PDE4A: variants seen among roughly 807,000 people sequenced by gnomAD.
PDE4A encodes 3',5'-cyclic-AMP phosphodiesterase 4A.
PDE4A carries 21 observed loss-of-function variants against 73.9 expected under a neutral mutation model. That is an observed-to-expected ratio of 0.28 (90% CI 0.20 to 0.41). The LOEUF (loss-of-function observed/expected upper bound fraction) is 0.41, where lower values mean the gene tolerates loss of function less well. Among genes scored for constraint, PDE4A ranks in the 10% least tolerant of loss-of-function variants. The pLI is 1.00. For synonymous variants in PDE4A, 463 were observed against 505.4 expected, an observed-to-expected ratio of 0.92 and a Z score of 1.13; for missense variants, 958 against 1,211.4, an observed-to-expected ratio of 0.79 and a Z score of 3.10.
In PDE4A at chr19:10,447,664, C is replaced by T. The variant is rs149011198; in HGVS notation, c.513-1253C>T. On this transcript the variant is annotated intron_variant, in intron 2 of 14. Coordinates refer to ENST00000380702, the MANE Select transcript of PDE4A (RefSeq NM_001111307.2). ...GATTGCAGGCATGAGCCACCCTGCC[C>T]GCCCTCAGTTACTTTATAGCATGTC... Among the ~76,000 whole-genome samples, 266 of 152,158 alleles carry T rather than the reference C, an allele frequency of 1.7e-3. 2 individuals carry two copies. In the East Asian group the frequency reaches 0.021, roughly 12 times the overall value.
At chr19:10,428,873 G>A (rs772150322) in intron 1 of PDE4A, 21 of 985,274 alleles carry the variant, frequency 2.1e-5, no homozygotes, top group African/African-American at 1.6e-4. Context: ...TGGCTCACAC[G>A]GGTGGATCAC....
Position 10,467,003 on chromosome 19 carries a change from C to T in PDE4A, c.2043C>T (p.Ser681=), listed in dbSNP as rs112929694. ...TLEDNRDWYY[S]AIRQSPSPPP... is the part of the protein sequence containing the mutation. ...AGGACAACCGGGACTGGTACTACAG[C>T]GCCATCCGGCAGAGCCCATCTCCGC... Residue 681 remains serine (S), a synonymous_variant, in exon 15 of 15, where the codon AGC becomes AGT. Transcript: ENST00000380702. 33 of 1,614,068 alleles carry T rather than the reference C, an allele frequency of 2.0e-5. No individual in the cohort carries two copies. The highest frequency in any genetic ancestry group is 2.5e-5 in the Non-Finnish European group (30 of 1,180,048).
At chr19:10,448,575 G>T (rs906796315) in intron 2 of PDE4A, among the ~76,000 whole-genome samples, 5 of 151,402 alleles carry the variant, frequency 3.3e-5, no homozygotes, top group Admixed American at 2.6e-4. Flanking sequence ...GGCGGAGGTT[G>T]CAGTGAGCTG....
intron 14 of PDE4A, 165 bp downstream of exon 14, chr19:10,464,140 C>A: frequency 1.2e-6 from 1 of 865,208 alleles, no homozygotes; most frequent in Non-Finnish European, 1.8e-6. Context: ...TTCTATTGCC[C>A]AGGCTGGAGT....
At chr19:10,456,037 C>T (rs547717352) in intron 7 of PDE4A, among the ~76,000 whole-genome samples, 1 of 151,158 alleles carries the variant, frequency 6.6e-6, no homozygotes, top group Non-Finnish European at 1.5e-5. Flanking sequence ...TGACCCCCCC[C>T]CAATTCAGTA....
At chr19:10,430,482 TGA>T (rs1297577097) in intron 1 of PDE4A, among the ~76,000 whole-genome samples, 1 of 151,186 alleles carries the variant, frequency 6.6e-6, no homozygotes, top group Non-Finnish European at 1.5e-5. Flanking sequence ...CTTGGGATTC[TGA>T]GAGACTGTGG....
intron 6 of PDE4A, among the ~76,000 whole-genome samples, chr19:10,452,612 G>C (rs1040390322): frequency 1.3e-5 from 2 of 150,844 alleles, no homozygotes; most frequent in East Asian, 3.9e-4. Context: ...GACTGTCTCC[G>C]GGTGTGTGTG....
rs2043411924 is a variant in PDE4A at position 10,468,078 on chromosome 19, C to T, written c.*457C>T. ...TGGGCCCAAGCAGGTGTGGGGCCTC[C>T]TTCTGGGCTTTTCTTCTGAATTTAG... On this transcript the variant is annotated 3_prime_UTR_variant, in exon 15 of 15. Coordinates refer to ENST00000380702, the MANE Select transcript of PDE4A (RefSeq NM_001111307.2). 6.5e-6 allele frequency: 1 copy of T among 153,528 alleles called. No homozygotes were observed. Among genetic ancestry groups the T allele is most frequent in the Admixed American group, 6.6e-5 (1 of 15,250 alleles). The allele number at this position is 153,528 out of a possible 1,614,324, so 9.5% of individuals were successfully genotyped here.
chr19:10,432,579 G>A lies in PDE4A; in HGVS notation c.320+11495G>A, dbSNP rs963290424. 13 of 1,517,078 alleles carry A rather than the reference G, an allele frequency of 8.6e-6. No homozygotes were observed. In the East Asian group the frequency reaches 2.5e-4, roughly 29 times the overall value. 94.0% of individuals were successfully genotyped at this position (1,517,078 alleles called of 1,614,324 possible). A position where few individuals can be genotyped will look rare whatever the true frequency, so the allele number is the denominator to read the frequency against. On this transcript the variant is annotated intron_variant, in intron 1 of 14. Transcript: ENST00000380702. ...TCCGGGCAGATCTGTCAGGTGGGTGGCCCGTGGCCAGTCAGTCCTCTCTTT... is the reference window on the plus strand; with the variant it reads ...TCCGGGCAGATCTGTCAGGTGGGTGACCCGTGGCCAGTCAGTCCTCTCTTT...
intron 1 of PDE4A, among the ~76,000 whole-genome samples, chr19:10,431,634 T>G (rs982424488): frequency 8.5e-5 from 13 of 152,126 alleles, no homozygotes; most frequent in Non-Finnish European, 1.8e-4. Flanking sequence ...CAGCCCGGAG[T>G]TGGGCACTGG....
rs530591689 is a variant in PDE4A, at chr19:10,437,120, C to T, written c.321-9098C>T. Among the ~76,000 whole-genome samples, 4 of 152,234 alleles carry T rather than the reference C, an allele frequency of 2.6e-5. No homozygotes were observed. The South Asian group carries it at 8.3e-4, about 32-fold the overall frequency. On this transcript the variant is annotated intron_variant, in intron 1 of 14. Coordinates refer to ENST00000380702, the MANE Select transcript of PDE4A (RefSeq NM_001111307.2). ...TCTATGATTATCTCACCTTAAGAAC[C>T]TTAAGAGTGGCTTTTTTTGTTTGTT...
intron 1 of PDE4A, among the ~76,000 whole-genome samples, chr19:10,437,365 G>T (rs1027927887): frequency 6.6e-6 from 1 of 151,828 alleles, no homozygotes; most frequent in Non-Finnish European, 1.5e-5. Context: ...CTCATGATCT[G>T]CCCGCCTTGG....
intron 2 of PDE4A, 102 bp from the exon 3 acceptor site, chr19:10,448,815 C>T: frequency 1.3e-6 from 2 of 1,574,116 alleles, no homozygotes; most frequent in Non-Finnish European, 1.7e-6. Context: ...CACAGAGTCC[C>T]CTCCCTCCCT....
chr19:10,461,786 C>A, intron 12 of PDE4A, 91 bp from the exon 13 acceptor site: 1 of 1,578,786 alleles, frequency 6.3e-7, no homozygotes, highest in Non-Finnish European at 8.6e-7. Flanking sequence ...CTGGACAGAG[C>A]GGGCGGCTTC....
At chr19:10,440,843 C>T (rs566381526) in intron 1 of PDE4A, among the ~76,000 whole-genome samples, 9 of 151,698 alleles carry the variant, frequency 5.9e-5, no homozygotes, top group African/African-American at 1.9e-4. Flanking sequence ...CGTGATCCAC[C>T]CACCTCGGCC....
intron 14 of PDE4A, among the ~76,000 whole-genome samples, chr19:10,466,236 G>C (rs1244536090): frequency 2.0e-5 from 3 of 150,066 alleles, no homozygotes; most frequent in South Asian, 2.1e-4. Flanking sequence ...CACAAGATCA[G>C]GAGATCTAGA....
At chr19:10,443,544 C>CAAAAA (rs58920826) in intron 1 of PDE4A, among the ~76,000 whole-genome samples, 1 of 120,970 alleles carries the variant, frequency 8.3e-6, no homozygotes. Flanking sequence ...GACCCTGTCT[C>CAAAAA]AAAAAAAAAA....
chr19:10,450,398 C>A, intron 4 of PDE4A: 1 of 714,224 alleles, frequency 1.4e-6, no homozygotes, highest in Non-Finnish European at 1.7e-6. Flanking sequence ...GAAGCTGTTT[C>A]ACCTCCTTGA....
At chr19:10,454,618 A>G (rs1186561659) in intron 6 of PDE4A, 2 of 298,556 alleles carry the variant, frequency 6.7e-6, no homozygotes, top group African/African-American at 2.3e-5. Context: ...TATGCTGACC[A>G]TGACTCCCCA....
Sources: gnomAD v4.1 joint callset for allele counts (sites outside exome capture counted in the v4.1 genomes callset) on GRCh38, gnomAD v4.1.1 for gene constraint, MANE v1.5 for transcripts, NCBI Gene and HGNC (gene_info 2026-07-23, HGNC 2026-07-21) for gene names.